Variants in ANTXR1 observed in about 807,000 individuals in gnomAD.
The protein encoded by ANTXR1 is ANTXR cell adhesion molecule 1.
A neutral mutation model predicts 78.1 loss-of-function variants in ANTXR1; 19 were observed. That is an observed-to-expected ratio of 0.24 (90% CI 0.17 to 0.36). The LOEUF is 0.36. Ranked by LOEUF, ANTXR1 falls within the 10% of genes least tolerant of loss-of-function variation. The pLI is 1.00. For synonymous variants in ANTXR1, 273 were observed against 260.5 expected, an observed-to-expected ratio of 1.05 and a Z score of -0.46; for missense variants, 518 against 718.6, an observed-to-expected ratio of 0.72 and a Z score of 3.19.
chr2:69,175,568 G>C (rs146140450), intron 14 of ANTXR1, among the ~76,000 whole-genome samples: 21 of 152,304 alleles, frequency 1.4e-4, no homozygotes, highest in African/African-American at 3.6e-4. Context: ...AAACTGCAGT[G>C]AACCATGTTC....
At chr2:69,137,721 C>G (rs1363690217) in intron 12 of ANTXR1, among the ~76,000 whole-genome samples, 1 of 146,968 alleles carries the variant, frequency 6.8e-6, no homozygotes, top group Non-Finnish European at 1.5e-5. Flanking sequence ...TCCAGGAATC[C>G]AAGTCTGCAG....
At chr2:69,072,155 C>A (rs994883962) in intron 5 of ANTXR1, among the ~76,000 whole-genome samples, 1 of 152,154 alleles carries the variant, frequency 6.6e-6, no homozygotes, top group African/African-American at 2.4e-5. Context: ...GAGCTCCAAG[C>A]CTCTTCATTA....
chr2:69,118,305 A>C (rs1438897903), intron 10 of ANTXR1, among the ~76,000 whole-genome samples: 2 of 149,472 alleles, frequency 1.3e-5, no homozygotes, highest in African/African-American at 4.9e-5. Flanking sequence ...TGATGCAGTG[A>C]CTAGGGTGGG....
chr2:69,074,920 A>C (rs62135633), intron 6 of ANTXR1, among the ~76,000 whole-genome samples: 8,198 of 152,288 alleles, frequency 0.054, 225 homozygotes, highest in Middle Eastern at 0.11. Context: ...TAATAAATCA[A>C]ATATTGAAGT....
intron 9 of ANTXR1, among the ~76,000 whole-genome samples, chr2:69,095,124 T>C (rs938794064): frequency 2.0e-5 from 3 of 152,218 alleles, no homozygotes. Context: ...GGCGAAGAGG[T>C]AATGGATCTG....
intron 12 of ANTXR1, among the ~76,000 whole-genome samples, chr2:69,147,280 G>A (rs1471920128): frequency 1.3e-5 from 2 of 152,196 alleles, no homozygotes; most frequent in Non-Finnish European, 2.9e-5. Context: ...TGTGAATGAA[G>A]CAAATACTAT....
chr2:69,098,123 A>C (rs1671489779), intron 9 of ANTXR1, among the ~76,000 whole-genome samples: 1 of 152,142 alleles, frequency 6.6e-6, no homozygotes, highest in African/African-American at 2.4e-5. Flanking sequence ...ACAAAGCAAC[A>C]CTAGGGAAGT....
intron 14 of ANTXR1, among the ~76,000 whole-genome samples, chr2:69,173,791 A>C (rs530309235): frequency 1.3e-5 from 2 of 152,200 alleles, no homozygotes; most frequent in Non-Finnish European, 2.9e-5. Flanking sequence ...CTTAGCCCCA[A>C]GCAGCTCCAT....
chr2:69,170,371 G>C, intron 14 of ANTXR1, 82 bp downstream of exon 14: 1 of 1,505,848 alleles, frequency 6.6e-7, no homozygotes, highest in Non-Finnish European at 9.2e-7. Context: ...TGGACACTTA[G>C]CCCCCTGCAG....
chr2:69,102,978 T>C, intron 10 of ANTXR1, 38 bp downstream of exon 10: 1 of 1,592,326 alleles, frequency 6.3e-7, no homozygotes, highest in Non-Finnish European at 8.6e-7. Context: ...CTTCGACAAG[T>C]GGCTTCAAGG....
chr2:69,223,949 C>T (rs1436017291), intron 17 of ANTXR1, among the ~76,000 whole-genome samples: 1 of 152,172 alleles, frequency 6.6e-6, no homozygotes, highest in African/African-American at 2.4e-5. Flanking sequence ...TTAGAGTTTT[C>T]AACTCTGGCA....
rs1477947204 is a variant in ANTXR1, at chr2:69,015,088, G to GGC, written c.152+1438_152+1439insCG. On this transcript the variant is annotated intron_variant, in intron 1 of 17. Coordinates refer to ENST00000303714, the MANE Select transcript of ANTXR1 (RefSeq NM_032208.3). ...GGAAAATCTAAAAAAAAAAAAAAAG[G>GGC]GGGACAGAATCACCATGTCTCTGAA... Among the ~76,000 whole-genome samples, 1,104 of 151,654 alleles carry GGC rather than the reference G, an allele frequency of 7.3e-3. 11 individuals are homozygous for GGC. Among genetic ancestry groups the GGC allele is most frequent in the African/African-American group, 0.025 (1,028 of 41,316 alleles).
intron 17 of ANTXR1, among the ~76,000 whole-genome samples, chr2:69,203,170 AG>A (rs1316370486): frequency 5.3e-5 from 8 of 152,220 alleles, no homozygotes; most frequent in African/African-American, 1.9e-4. Flanking sequence ...ACAGATCTGG[AG>A]GGAAAGTCTC....
intron 14 of ANTXR1, among the ~76,000 whole-genome samples, chr2:69,179,399 T>C (rs761943544): frequency 4.1e-4 from 63 of 151,814 alleles, no homozygotes; most frequent in Non-Finnish European, 6.2e-4. Context: ...ATAGAAAAAT[T>C]AGCTGGGTGC....
Position 69,013,753 on chromosome 2 carries a change from A to G in ANTXR1, c.152+102A>G. On this transcript the variant is annotated intron_variant, in intron 1 of 17. Transcript: ENST00000303714. The surrounding 1 kb of genome is among the most constrained non-coding windows in gnomAD (Gnocchi z 5.0). ...CAGGGTCGCCTGGGGACAGGAGCGC[A>G]TCTCCAGGGCCACAGAGGGACCGCG... The G allele has an allele frequency of 3.9e-6, 6 of 1,533,718 alleles. No homozygotes were observed. The highest frequency in any genetic ancestry group is 5.3e-6 in the Non-Finnish European group (6 of 1,132,440).
intron 10 of ANTXR1, among the ~76,000 whole-genome samples, chr2:69,119,256 GGCGCTGCAGT>G (rs1415815265): frequency 6.6e-6 from 1 of 152,146 alleles, no homozygotes; most frequent in Non-Finnish European, 1.5e-5. Context: ...CCCTGGCTGT[GGCGCTGCAGT>G]GCGCTGCCTC....
At chr2:69,154,664 GC>G (rs1452062258) in intron 13 of ANTXR1, among the ~76,000 whole-genome samples, 2 of 152,164 alleles carry the variant, frequency 1.3e-5, no homozygotes, top group East Asian at 3.9e-4. Context: ...GGTGGGGAAT[GC>G]CCCTCAACCT....
rs375909297 is a variant in ANTXR1, at chr2:69,098,710, G to T, written c.704-4132G>T. Among the ~76,000 whole-genome samples the T allele has an allele frequency of 7.2e-5, 11 of 152,232 alleles. No individual in the cohort carries two copies. In the East Asian group the frequency reaches 9.6e-4, roughly 13 times the overall value. ...TTTTAAAAGGTACAATTCAGGCCAGGCGTGGTGGCTCACACCTGTAATCCC... is the reference window on the plus strand; with the variant it reads ...TTTTAAAAGGTACAATTCAGGCCAGTCGTGGTGGCTCACACCTGTAATCCC... On this transcript the variant is annotated intron_variant, in intron 9 of 17. Coordinates refer to ENST00000303714, the MANE Select transcript of ANTXR1 (RefSeq NM_032208.3).
At chr2:69,054,751 G>A (rs1670021140) in intron 3 of ANTXR1, among the ~76,000 whole-genome samples, 1 of 152,166 alleles carries the variant, frequency 6.6e-6, no homozygotes, top group South Asian at 2.1e-4. Flanking sequence ...AAGAGACATA[G>A]TTCTAAAGGC....
Sources: gnomAD v4.1 joint callset for allele counts (sites outside exome capture counted in the v4.1 genomes callset) on GRCh38, gnomAD v4.1.1 for gene constraint, Gnocchi (gnomAD v3.1) non-coding constraint, MANE v1.5 for transcripts, NCBI Gene and HGNC (gene_info 2026-07-23, HGNC 2026-07-21) for gene names.